Variants in OPCML observed in about 807,000 individuals in gnomAD.
OPCML encodes the protein opioid-binding protein/cell adhesion molecule.
A neutral mutation model predicts 37.8 loss-of-function variants in OPCML; 13 were observed. The observed-to-expected ratio is 0.34, with a 90% confidence interval of 0.22 to 0.55. OPCML has a LOEUF of 0.55. Ranked by LOEUF, OPCML falls within the 20% of genes least tolerant of loss-of-function variation. OPCML has a pLI of 0.91. For missense variants in OPCML, 341 were observed against 435.6 expected (o/e 0.78, Z 1.93); for synonymous variants, 176 against 168.8 (o/e 1.04, Z -0.33).
intron 1 of OPCML, among the ~76,000 whole-genome samples, chr11:133,001,616 T>A (rs1947005058): frequency 6.6e-6 from 1 of 152,168 alleles, no homozygotes; most frequent in Non-Finnish European, 1.5e-5. Flanking sequence ...ATGTCACATA[T>A]TCAGAGGGAC....
At chr11:133,169,896 G>A (rs942113822) in intron 1 of OPCML, among the ~76,000 whole-genome samples, 1 of 152,150 alleles carries the variant, frequency 6.6e-6, no homozygotes, top group Non-Finnish European at 1.5e-5. Context: ...ATAATAATAT[G>A]AGCACCAAAA....
intron 3 of OPCML, among the ~76,000 whole-genome samples, chr11:132,565,484 A>G (rs528123322): frequency 1.5e-4 from 23 of 151,864 alleles, no homozygotes; most frequent in Non-Finnish European, 2.6e-4. Context: ...TCCAAAGTCC[A>G]CTCCCAGATT....
At chr11:133,141,095 G>GAAGA (rs1565469375) in intron 1 of OPCML, among the ~76,000 whole-genome samples, 351 of 12,918 alleles carry the variant, frequency 0.027, 126 homozygotes, top group African/African-American at 0.045. Flanking sequence ...GAAGAAGAAG[G>GAAGA]AGAAGAAGAA....
At chr11:133,144,187 G>T (rs1170141827) in intron 1 of OPCML, among the ~76,000 whole-genome samples, 1 of 152,188 alleles carries the variant, frequency 6.6e-6, no homozygotes, top group Non-Finnish European at 1.5e-5. Context: ...GGAAAAAACA[G>T]CAGCCCATCT....
At chr11:132,476,865 A>G (rs907702545) in intron 4 of OPCML, among the ~76,000 whole-genome samples, 2 of 152,184 alleles carry the variant, frequency 1.3e-5, no homozygotes, top group Non-Finnish European at 2.9e-5. Context: ...AAAAAATTAA[A>G]AAAAGTGTTA....
rs552819654 is a variant in OPCML, at chr11:132,533,329, G to T, written c.380-4143C>A. Among the ~76,000 whole-genome samples the T allele has an allele frequency of 4.6e-5, 7 of 152,218 alleles. No individual in the cohort carries two copies. The South Asian group carries it at 1.5e-3, about 32-fold the overall frequency. ...GGTCATTTTGGATAGATGACAGATG[G>T]GTAATAGCTAGGCAGAAGAAAGATC... is the stretch of plus-strand genomic sequence containing the variant. On this transcript the variant is annotated intron_variant, in intron 3 of 7. Transcript: ENST00000524381.
chr11:133,187,492 C>A (rs1938133895), intron 1 of OPCML, among the ~76,000 whole-genome samples: 1 of 152,158 alleles, frequency 6.6e-6, no homozygotes, highest in Admixed American at 6.5e-5. Context: ...GATACCTATT[C>A]AGTTGCTTCT....
chr11:132,454,427 C>T (rs751176514), intron 4 of OPCML, among the ~76,000 whole-genome samples: 4 of 152,156 alleles, frequency 2.6e-5, no homozygotes, highest in Non-Finnish European at 4.4e-5. Flanking sequence ...CCCACTCTTC[C>T]GAGGTCAGGC....
intron 1 of OPCML, among the ~76,000 whole-genome samples, chr11:133,508,033 C>T (rs1472221668): frequency 6.6e-6 from 1 of 151,940 alleles, no homozygotes; most frequent in Non-Finnish European, 1.5e-5. Flanking sequence ...ATTAGGATTA[C>T]CAGGGAAGCT....
chr11:133,374,011 A>C (rs1944743032), intron 1 of OPCML, among the ~76,000 whole-genome samples: 2 of 152,186 alleles, frequency 1.3e-5, no homozygotes, highest in South Asian at 4.1e-4. Context: ...CTAGGTATTT[A>C]CCCAAAAGAA....
chr11:132,959,846 T>C (rs958287422), intron 1 of OPCML, among the ~76,000 whole-genome samples: 3 of 152,334 alleles, frequency 2.0e-5, no homozygotes, highest in Middle Eastern at 3.4e-3. Flanking sequence ...ATCTGTCTCA[T>C]CTCACACATA....
chr11:132,813,687 T>C (rs1939473570), intron 2 of OPCML, among the ~76,000 whole-genome samples: 1 of 152,170 alleles, frequency 6.6e-6, no homozygotes, highest in African/African-American at 2.4e-5. Flanking sequence ...ATCCACTGTT[T>C]TTTGTCCAGC....
chr11:132,754,110 G>A (rs1945944906), intron 2 of OPCML, among the ~76,000 whole-genome samples: 1 of 152,184 alleles, frequency 6.6e-6, no homozygotes. Context: ...CAGCTGCAGG[G>A]CACAGAGCAG....
chr11:132,651,514 G>C (rs928589178), intron 3 of OPCML, among the ~76,000 whole-genome samples: 1 of 152,196 alleles, frequency 6.6e-6, no homozygotes, highest in African/African-American at 2.4e-5. Context: ...CTGCATCAGC[G>C]TTGGGTAAGT....
chr11:133,020,010 T>C (rs1272253218), intron 1 of OPCML, among the ~76,000 whole-genome samples: 2 of 152,226 alleles, frequency 1.3e-5, no homozygotes, highest in Admixed American at 1.3e-4. Context: ...CACGGCTGTG[T>C]TCTCATTAAG....
chr11:133,129,136 T>C (rs918997712), intron 1 of OPCML, among the ~76,000 whole-genome samples: 2 of 151,388 alleles, frequency 1.3e-5, no homozygotes, highest in African/African-American at 4.9e-5. Flanking sequence ...AAGTTGAGAG[T>C]CTGGGGGAGA....
chr11:132,773,949 AAG>A (rs970374615), intron 2 of OPCML, among the ~76,000 whole-genome samples: 2 of 152,004 alleles, frequency 1.3e-5, no homozygotes, highest in South Asian at 2.1e-4. Context: ...GAGTTTTGTA[AAG>A]AGAGAGAGAG....
At chr11:132,947,574 T>A (rs1279594257) in intron 1 of OPCML, among the ~76,000 whole-genome samples, 1 of 152,206 alleles carries the variant, frequency 6.6e-6, no homozygotes, top group Non-Finnish European at 1.5e-5. Flanking sequence ...ACTTCATTCC[T>A]CTGTAGGACA....
intron 3 of OPCML, among the ~76,000 whole-genome samples, chr11:132,602,324 G>A (rs998791885): frequency 6.6e-6 from 1 of 152,154 alleles, no homozygotes; most frequent in Non-Finnish European, 1.5e-5. Context: ...TATTTTCAAG[G>A]AAATGTCAAA....
Sources: allele counts gnomAD v4.1 joint callset (sites outside exome capture counted in the v4.1 genomes callset), GRCh38; gene constraint gnomAD v4.1.1; transcripts MANE v1.5; gene names NCBI Gene and HGNC (gene_info 2026-07-23, HGNC 2026-07-21).